Variants in PRKCA observed in about 807,000 individuals in gnomAD.
PRKCA encodes protein kinase C alpha, also known as protein kinase C alpha type.
Under a neutral mutation model 87.0 loss-of-function variants are expected in PRKCA, and 27 were observed. The observed-to-expected ratio is 0.31, with a 90% CI of 0.23 to 0.43. The LOEUF is 0.43. Ranked by LOEUF, PRKCA falls within the 20% of genes least tolerant of loss-of-function variation. The pLI is 1.00. For synonymous variants in PRKCA, 329 were observed against 311.1 expected (o/e 1.06, Z -0.61); for missense variants, 518 against 852.3 (o/e 0.61, Z 4.88).
intron 16 of PRKCA, among the ~76,000 whole-genome samples, chr17:66,799,245 T>C (rs1225285631): frequency 8.3e-5 from 11 of 132,050 alleles, no homozygotes; most frequent in Non-Finnish European, 1.2e-4. Flanking sequence ...GTGGTGGTGA[T>C]GGTGGTGGTG....
chr17:66,356,775 T>C (rs1048996008), intron 2 of PRKCA, among the ~76,000 whole-genome samples: 1 of 152,034 alleles, frequency 6.6e-6, no homozygotes, highest in African/African-American at 2.4e-5. Context: ...AAAAATAGGG[T>C]CTTACTCCAA....
At chr17:66,540,072 G>A (rs1967927333) in intron 3 of PRKCA, among the ~76,000 whole-genome samples, 1 of 152,224 alleles carries the variant, frequency 6.6e-6, no homozygotes, top group Admixed American at 6.5e-5. Context: ...GTGTTAGGAG[G>A]CTGTTGTGTT....
rs367875056 is a variant in PRKCA at position 66,368,611 on chromosome 17, C to T, written c.205+62484C>T. On this transcript the variant is annotated intron_variant, in intron 2 of 16. Transcript: ENST00000413366. The stretch of plus-strand genomic sequence containing the variant: ...TGCGCTATGTTGTCCAGGCTGGTCT[C>T]GAACTCCTGAGCTCAAGTAATCTGC... Among the ~76,000 whole-genome samples, 29 of 151,418 alleles carry T rather than the reference C, an allele frequency of 1.9e-4. No homozygotes were observed. The East Asian group carries it at 5.3e-3, about 27-fold the overall frequency.
At chr17:66,765,455 TCCATATATATACATATTTGTCC>T (rs1251652582) in intron 13 of PRKCA, among the ~76,000 whole-genome samples, 1 of 97,774 alleles carries the variant, frequency 1.0e-5, no homozygotes, top group Non-Finnish European at 2.2e-5. Context: ...TATATATATA[TCCATATATATACATATTTGTCC>T]ATATATATAT....
At chr17:66,747,638 C>A (rs1750807923) in intron 13 of PRKCA, among the ~76,000 whole-genome samples, 1 of 152,184 alleles carries the variant, frequency 6.6e-6, no homozygotes, top group Non-Finnish European at 1.5e-5. Flanking sequence ...TTACCTATTG[C>A]ATTGTCTCCA....
At chr17:66,594,219 C>G (rs1255535892) in intron 3 of PRKCA, among the ~76,000 whole-genome samples, 5 of 152,222 alleles carry the variant, frequency 3.3e-5, no homozygotes, top group African/African-American at 1.2e-4. Flanking sequence ...TCCAAGGACA[C>G]TGTGGGAAGA....
At chr17:66,509,790 A>G (rs1917143162) in intron 3 of PRKCA, among the ~76,000 whole-genome samples, 1 of 152,100 alleles carries the variant, frequency 6.6e-6, no homozygotes, top group Non-Finnish European at 1.5e-5. Context: ...CCACAGGCAG[A>G]CTTGTTTGGG....
intron 3 of PRKCA, among the ~76,000 whole-genome samples, chr17:66,548,881 C>G (rs1394327203): frequency 6.6e-6 from 1 of 151,912 alleles, no homozygotes; most frequent in Non-Finnish European, 1.5e-5. Context: ...ACAGCTCAGT[C>G]ACTGCAGCCT....
intron 8 of PRKCA, among the ~76,000 whole-genome samples, chr17:66,723,428 AG>A (rs934374946): frequency 6.6e-6 from 1 of 152,188 alleles, no homozygotes; most frequent in African/African-American, 2.4e-5. Flanking sequence ...CAGGAGTTCA[AG>A]ACCAGCCTGG....
Position 66,793,232 on chromosome 17 carries a change from C to T in PRKCA, c.1854+4253C>T, listed in dbSNP as rs897457934. On this transcript the variant is annotated intron_variant, in intron 16 of 16. Transcript: ENST00000413366. ...TGAGGACCGTCAGCTCAGTGAGGAC[C>T]GTCAGCTCAGTGAGGGCCATCAGTT... Among the ~76,000 whole-genome samples the T allele has an allele frequency of 2.0e-5, 3 of 152,118 alleles. No individual in the cohort carries two copies. The South Asian group carries it at 6.2e-4, about 32-fold the overall frequency.
At chr17:66,771,707 T>A (rs1974937827) in intron 13 of PRKCA, among the ~76,000 whole-genome samples, 1 of 152,146 alleles carries the variant, frequency 6.6e-6, no homozygotes, top group African/African-American at 2.4e-5. Flanking sequence ...GCGATTCTCC[T>A]ACCTCAGCCT....
At chr17:66,312,724 C>T (rs911328699) in intron 2 of PRKCA, among the ~76,000 whole-genome samples, 8 of 142,478 alleles carry the variant, frequency 5.6e-5, no homozygotes, top group African/African-American at 1.6e-4. Flanking sequence ...TTCTTCCTAT[C>T]GTAGGACCTT....
chr17:66,401,547 G>A (rs1469396672), intron 2 of PRKCA, among the ~76,000 whole-genome samples: 9 of 152,170 alleles, frequency 5.9e-5, no homozygotes, highest in African/African-American at 9.7e-5. Flanking sequence ...TGATGTGGAC[G>A]GCTTTGTGCT....
At chr17:66,368,820 T>C (rs1908921541) in intron 2 of PRKCA, among the ~76,000 whole-genome samples, 2 of 152,340 alleles carry the variant, frequency 1.3e-5, no homozygotes, top group South Asian at 2.1e-4. Flanking sequence ...CTGCAATTCA[T>C]GTTGACCTCT....
At chr17:66,716,848 G>A (rs1973488883) in intron 8 of PRKCA, among the ~76,000 whole-genome samples, 2 of 152,192 alleles carry the variant, frequency 1.3e-5, no homozygotes, top group Admixed American at 1.3e-4. Context: ...AGGCCCTCTC[G>A]CTGCCTGTGA....
At chr17:66,344,483 C>T (rs1353966375) in intron 2 of PRKCA, among the ~76,000 whole-genome samples, 1 of 152,006 alleles carries the variant, frequency 6.6e-6, no homozygotes, top group Non-Finnish European at 1.5e-5. Flanking sequence ...TGGTGAAACC[C>T]ATCTGTACCA....
chr17:66,551,427 C>T (rs1468594835), intron 3 of PRKCA, among the ~76,000 whole-genome samples: 4 of 152,236 alleles, frequency 2.6e-5, no homozygotes, highest in Non-Finnish European at 4.4e-5. Flanking sequence ...GCCTGCTTTT[C>T]GCAGGGTTTA....
At chr17:66,462,721 C>T (rs910453068) in intron 2 of PRKCA, among the ~76,000 whole-genome samples, 2 of 152,104 alleles carry the variant, frequency 1.3e-5, no homozygotes, top group Non-Finnish European at 2.9e-5. Flanking sequence ...AACACGAACA[C>T]CCCTACCTCC....
intron 5 of PRKCA, among the ~76,000 whole-genome samples, chr17:66,650,867 T>C (rs1378851964): frequency 6.6e-6 from 1 of 152,234 alleles, no homozygotes; most frequent in African/African-American, 2.4e-5. Flanking sequence ...CGTTCATTTT[T>C]TTTGCTTCAC....
Sources: gnomAD v4.1 joint callset for allele counts (sites outside exome capture counted in the v4.1 genomes callset) on GRCh38, gnomAD v4.1.1 for gene constraint, MANE v1.5 for transcripts, NCBI Gene and HGNC (gene_info 2026-07-23, HGNC 2026-07-21) for gene names.